Variants in DAB1 observed in about 807,000 individuals in gnomAD.
The protein encoded by DAB1 is DAB adaptor protein 1.
Under a neutral mutation model 64.6 loss-of-function variants are expected in DAB1, and 15 were observed. The observed-to-expected ratio is 0.23, with a 90% confidence interval of 0.16 to 0.36. The LOEUF is 0.36. DAB1 is among the 10% of genes least tolerant of loss of function. The pLI is 1.00. For missense variants in DAB1, 596 were observed against 706.7 expected (o/e 0.84, Z 1.78); for synonymous variants, 235 against 251.9 (o/e 0.93, Z 0.64).
chr1:57,959,592 T>C lies in DAB1; in HGVS notation n.388-75430A>G, dbSNP rs184319029. ...GTGGTTGTGGTTCTCTTGGATATTC[T>C]AAAGGTGGTGCTTTCTTTTTCTTTT... On this transcript the variant is annotated intron_variant and non_coding_transcript_variant, in intron 5 of 20. Coordinates refer to the DAB1 transcript ENST00000485760. 2.9e-3 allele frequency among the ~76,000 whole-genome samples: 438 copies of C among 152,314 alleles called. 4 individuals are homozygous for C. The highest frequency in any genetic ancestry group is 9.7e-3 in the African/African-American group (402 of 41,570).
At chr1:57,062,751 A>T in intron 9 of DAB1, 133 bp downstream of exon 9, 1 of 728,922 alleles carries the variant, frequency 1.4e-6, no homozygotes, top group Non-Finnish European at 2.3e-6. Flanking sequence ...ATGCCCCAGC[A>T]TGCAGTCCCC....
chr1:57,076,053 A>G (rs555377591), intron 4 of DAB1, among the ~76,000 whole-genome samples: 100 of 152,294 alleles, frequency 6.6e-4, no homozygotes, highest in Non-Finnish European at 1.1e-3. Flanking sequence ...AAAAAGGTCA[A>G]GACAGCATGG....
chr1:58,385,759 C>A (rs1644427356), intron 3 of DAB1, among the ~76,000 whole-genome samples: 1 of 152,192 alleles, frequency 6.6e-6, no homozygotes, highest in African/African-American at 2.4e-5. Context: ...ATAAATCAGA[C>A]CCTTCTGCTT....
At chr1:57,513,582 C>T (rs113989990) in intron 7 of DAB1, among the ~76,000 whole-genome samples, 5 of 152,066 alleles carry the variant, frequency 3.3e-5, no homozygotes, top group East Asian at 1.9e-4. Flanking sequence ...ATAAAAATTG[C>T]GTATATTTAT....
intron 3 of DAB1, among the ~76,000 whole-genome samples, chr1:58,418,788 C>T (rs1644745359): frequency 1.3e-5 from 2 of 152,054 alleles, no homozygotes; most frequent in South Asian, 4.1e-4. Flanking sequence ...AAAAGTTTAG[C>T]TGAACATAAG....
At chr1:57,270,167 TG>T (rs1459489745) in intron 2 of DAB1, among the ~76,000 whole-genome samples, 2 of 152,134 alleles carry the variant, frequency 1.3e-5, no homozygotes, top group African/African-American at 4.8e-5. Context: ...GAGAGATGCG[TG>T]GTTACTGTCT....
intron 1 of DAB1, among the ~76,000 whole-genome samples, chr1:57,371,236 G>C (rs980090853): frequency 5.9e-5 from 9 of 152,218 alleles, no homozygotes; most frequent in African/African-American, 2.2e-4. Flanking sequence ...AAAGTAAATA[G>C]ACCTTGCAGG....
chr1:57,198,107 A>C lies in DAB1; in HGVS notation c.68-52678T>G, dbSNP rs79160751. 1.4e-3 allele frequency among the ~76,000 whole-genome samples: 211 copies of C among 152,336 alleles called. 1 individual carries two copies. The highest frequency in any genetic ancestry group is 4.7e-3 in the African/African-American group (197 of 41,562). On this transcript the variant is annotated intron_variant, in intron 2 of 14. Coordinates refer to ENST00000371236, the MANE Select transcript of DAB1 (RefSeq NM_001365792.1). ...CATAAACTCTGTCTGCCAAACCTCCAATAAGGTGGAAGGATATTAAAATAC... is the reference window on the plus strand; with the variant it reads ...CATAAACTCTGTCTGCCAAACCTCCCATAAGGTGGAAGGATATTAAAATAC...
At chr1:57,253,275 G>A (rs1219505352) in intron 2 of DAB1, among the ~76,000 whole-genome samples, 1 of 152,186 alleles carries the variant, frequency 6.6e-6, no homozygotes, top group African/African-American at 2.4e-5. Flanking sequence ...GTGACTGTTA[G>A]TTCTACACAC....
intron 2 of DAB1, among the ~76,000 whole-genome samples, chr1:58,518,810 A>T (rs1283509998): frequency 6.6e-6 from 1 of 152,190 alleles, no homozygotes; most frequent in Non-Finnish European, 1.5e-5. Context: ...AGGAGATAGC[A>T]GACAGTCCTT....
intron 5 of DAB1, among the ~76,000 whole-genome samples, chr1:58,009,389 G>A (rs1271408665): frequency 3.3e-5 from 5 of 152,152 alleles, no homozygotes; most frequent in Non-Finnish European, 4.4e-5. Flanking sequence ...TTTGCTGTAT[G>A]CTACATATTG....
rs76447010 is a variant in DAB1 at position 57,004,272 on chromosome 1, C to T, written c.*16-6144G>A. Among the ~76,000 whole-genome samples, 589 of 152,302 alleles carry T rather than the reference C, an allele frequency of 3.9e-3. 2 individuals are homozygous for T. The highest frequency in any genetic ancestry group is 0.014 in the African/African-American group (565 of 41,564). ...TATAAGGGCAAATGGTTTCCTATGT[C>T]ACATTATAACAAGACGCTCTTGGAA... is the stretch of plus-strand genomic sequence containing the variant. On this transcript the variant is annotated intron_variant, in intron 14 of 14. Coordinates refer to ENST00000371236, the MANE Select transcript of DAB1 (RefSeq NM_001365792.1).
intron 7 of DAB1, among the ~76,000 whole-genome samples, chr1:57,619,077 G>A (rs1645824032): frequency 6.6e-6 from 1 of 152,186 alleles, no homozygotes; most frequent in Non-Finnish European, 1.5e-5. Context: ...TGCTCATTTT[G>A]TCAAGGGTAA....
intron 4 of DAB1, among the ~76,000 whole-genome samples, chr1:58,274,233 C>T (rs1456582290): frequency 3.9e-5 from 5 of 129,742 alleles, no homozygotes; most frequent in Non-Finnish European, 8.1e-5. Flanking sequence ...CAGACAGGAC[C>T]CTCAGCTGCA....
At chr1:57,341,860 A>G (rs1287540223) in intron 1 of DAB1, among the ~76,000 whole-genome samples, 1 of 152,196 alleles carries the variant, frequency 6.6e-6, no homozygotes, top group Admixed American at 6.5e-5. Context: ...TTGATGCTAT[A>G]GACAGCACGC....
chr1:57,406,402 C>T (rs79449764), intron 1 of DAB1, among the ~76,000 whole-genome samples: 1,996 of 152,312 alleles, frequency 0.013, 44 homozygotes, highest in African/African-American at 0.045. Flanking sequence ...TTTATTTGTG[C>T]TTCCCTGTCT....
At chr1:58,107,423 A>C (rs1313729045) in intron 5 of DAB1, among the ~76,000 whole-genome samples, 1 of 150,364 alleles carries the variant, frequency 6.7e-6, no homozygotes. Flanking sequence ...GTGAGCAGAG[A>C]TCGTGCCACT....
intron 14 of DAB1, among the ~76,000 whole-genome samples, chr1:57,006,925 G>A (rs144496959): frequency 1.5e-3 from 222 of 152,214 alleles, no homozygotes; most frequent in African/African-American, 5.1e-3. Context: ...CTTACCTAAG[G>A]TGACCTGCTT....
chr1:57,274,851 G>T (rs1671328676), intron 2 of DAB1, among the ~76,000 whole-genome samples: 3 of 151,468 alleles, frequency 2.0e-5, no homozygotes, highest in South Asian at 4.2e-4. Flanking sequence ...CAAAGAGCTG[G>T]GATTACATGT....
Sources: gnomAD v4.1 joint callset for allele counts (sites outside exome capture counted in the v4.1 genomes callset) on GRCh38, gnomAD v4.1.1 for gene constraint, MANE v1.5 for transcripts, NCBI Gene and HGNC (gene_info 2026-07-23, HGNC 2026-07-21) for gene names.